UNC13B: variants seen among roughly 807,000 people sequenced by gnomAD.
UNC13B encodes the protein protein unc-13 homolog B.
A neutral mutation model predicts 211.0 loss-of-function variants in UNC13B; 144 were observed. The observed-to-expected ratio is 0.68, with a 90% CI of 0.60 to 0.78. UNC13B has a LOEUF of 0.78. UNC13B is among the 30% of genes least tolerant of loss of function. The probability of loss-of-function intolerance (pLI) is 0.00; values close to 1 mark genes in which losing one functional copy is unlikely to be tolerated. For missense variants in UNC13B, 1,777 were observed against 2,002.0 expected (o/e 0.89, Z 2.14); for synonymous variants, 709 against 725.8 (o/e 0.98, Z 0.37).
At chr9:35,294,056 CAT>C (rs139872103) in intron 7 of UNC13B, among the ~76,000 whole-genome samples, 7,243 of 152,212 alleles carry the variant, frequency 0.048, 390 homozygotes, top group East Asian at 0.29. Flanking sequence ...ATAAAACCCA[CAT>C]GTTTGTGCTC....
At chr9:35,371,829 T>C (rs1834145603) in intron 13 of UNC13B, 1 of 152,690 alleles carries the variant, frequency 6.5e-6, no homozygotes, top group African/African-American at 2.4e-5. Context: ...AAATGCTCCC[T>C]GCTTTGGACT....
intron 7 of UNC13B, among the ~76,000 whole-genome samples, chr9:35,287,137 T>C (rs925376885): frequency 7.0e-6 from 1 of 142,508 alleles, no homozygotes; most frequent in African/African-American, 2.4e-5. Flanking sequence ...TTTCTTTCTT[T>C]CTTTTTTTTT....
chr9:35,197,988 G>T (rs1587351299), intron 1 of UNC13B, among the ~76,000 whole-genome samples: 1 of 150,288 alleles, frequency 6.7e-6, no homozygotes, highest in East Asian at 2.0e-4. Context: ...GATATATAAG[G>T]ATTTAAAAAC....
chr9:35,399,463 G>T lies in UNC13B; in HGVS notation c.12255+15G>T. ...CCAAACTCAAGGTACTCTGGGTGTGGGGTCCTCCTGGCAGGTGTGGTCCTT... is the reference window on the plus strand; with the variant it reads ...CCAAACTCAAGGTACTCTGGGTGTGTGGTCCTCCTGGCAGGTGTGGTCCTT... On this transcript the variant is annotated intron_variant, in intron 35 of 39. Coordinates refer to ENST00000635942, the MANE Select transcript of UNC13B (RefSeq NM_001371189.2). 1 of 1,614,122 alleles carries T rather than the reference G, an allele frequency of 6.2e-7. No individual in the cohort carries two copies. The highest frequency in any genetic ancestry group is 8.5e-7 in the Non-Finnish European group (1 of 1,180,026).
chr9:35,209,224 C>T (rs752550284), intron 1 of UNC13B, among the ~76,000 whole-genome samples: 6 of 152,044 alleles, frequency 3.9e-5, no homozygotes, highest in East Asian at 3.9e-4. Context: ...ACCACCGCAC[C>T]GGCTAATTTT....
intron 5 of UNC13B, among the ~76,000 whole-genome samples, chr9:35,242,604 G>C (rs1204721554): frequency 6.6e-6 from 1 of 152,062 alleles, no homozygotes; most frequent in Non-Finnish European, 1.5e-5. Context: ...CCATGTTATG[G>C]CATGTGGCAG....
chr9:35,273,711 A>C (rs1303493507), intron 7 of UNC13B, among the ~76,000 whole-genome samples: 1 of 152,182 alleles, frequency 6.6e-6, no homozygotes, highest in East Asian at 1.9e-4. Context: ...AAAATCAACC[A>C]CAAAAAAAAC....
intron 11 of UNC13B, among the ~76,000 whole-genome samples, chr9:35,317,401 C>T (rs556782546): frequency 6.6e-6 from 1 of 152,018 alleles, no homozygotes; most frequent in African/African-American, 2.4e-5. Context: ...TGGAATTTCA[C>T]TGTGTTGCCC....
chr9:35,225,897 T>C (rs1371308605), intron 1 of UNC13B, among the ~76,000 whole-genome samples: 1 of 151,746 alleles, frequency 6.6e-6, no homozygotes, highest in Non-Finnish European at 1.5e-5. Context: ...GTGTGAGGAG[T>C]TGACAGTGGT....
intron 1 of UNC13B, among the ~76,000 whole-genome samples, chr9:35,172,662 T>G (rs1397892939): frequency 6.6e-6 from 1 of 152,230 alleles, no homozygotes; most frequent in Non-Finnish European, 1.5e-5. Flanking sequence ...TTTGTTATCT[T>G]TAGTAAAAAT....
intron 11 of UNC13B, among the ~76,000 whole-genome samples, chr9:35,330,813 T>C (rs532516190): frequency 6.6e-6 from 1 of 152,268 alleles, no homozygotes; most frequent in South Asian, 2.1e-4. Flanking sequence ...GACTGAGATT[T>C]GGGGCAGTGG....
intron 7 of UNC13B, among the ~76,000 whole-genome samples, chr9:35,284,702 A>G (rs1273526669): frequency 6.6e-6 from 1 of 152,222 alleles, no homozygotes; most frequent in Non-Finnish European, 1.5e-5. Flanking sequence ...TACAGTACTT[A>G]CCGAATCAAC....
At chr9:35,163,039 C>T (rs1181116427) in intron 1 of UNC13B, among the ~76,000 whole-genome samples, 1 of 152,154 alleles carries the variant, frequency 6.6e-6, no homozygotes, top group African/African-American at 2.4e-5. Flanking sequence ...TGGGTAGAGA[C>T]TGTTTCTTAT....
chr9:35,167,754 A>ATTTTTTTTTT (rs765603183), intron 1 of UNC13B, among the ~76,000 whole-genome samples: 35 of 115,668 alleles, frequency 3.0e-4, no homozygotes, highest in African/African-American at 6.9e-4. Context: ...TGCCTGGCTA[A>ATTTTTTTTTT]TTTTTTTTTT....
Position 35,397,390 on chromosome 9 carries a change from C to G in UNC13B, c.11676+80C>G, listed in dbSNP as rs1362539839. ...CATCACAGGCCTGAGCTCAGCACCT[C>G]TCCACTGTGGCCTCCTGGTAAAGCT... On this transcript the variant is annotated intron_variant, in intron 29 of 39. Transcript: ENST00000635942. 5.1e-6 allele frequency: 8 copies of G among 1,576,202 alleles called. No individual in the cohort carries two copies. The African/African-American group carries it at 1.1e-4, about 21-fold the overall frequency.
chr9:35,289,880 G>A (rs1467774226), intron 7 of UNC13B, among the ~76,000 whole-genome samples: 3 of 152,084 alleles, frequency 2.0e-5, no homozygotes, highest in Non-Finnish European at 4.4e-5. Context: ...GGGAGCCTGA[G>A]GCATGAGAAT....
chr9:35,291,438 G>A (rs116448639), intron 7 of UNC13B, among the ~76,000 whole-genome samples: 12 of 152,210 alleles, frequency 7.9e-5, no homozygotes, highest in Admixed American at 1.3e-4. Context: ...GCTAAGGAGT[G>A]CAGTGACCAG....
chr9:35,259,100 G>C lies in UNC13B; in HGVS notation c.526+50G>C, dbSNP rs370483876. The C allele has an allele frequency of 6.1e-4, 970 of 1,588,520 alleles. 10 individuals are homozygous for C. In the South Asian group the frequency reaches 7.6e-3, roughly 12 times the overall value. On this transcript the variant is annotated intron_variant, in intron 7 of 39. Transcript: ENST00000635942. ...TCTCTTTTAATTGTAGCTTTCTGTC[G>C]CTTCTCTGAACATGGGTTATTCTGA...
At chr9:35,334,992 C>T (rs1305853891) in intron 11 of UNC13B, among the ~76,000 whole-genome samples, 3 of 152,228 alleles carry the variant, frequency 2.0e-5, no homozygotes, top group South Asian at 4.2e-4. Context: ...GAGCCGAGAT[C>T]GCGCCACTGC....
Sources: gnomAD v4.1 joint callset for allele counts (sites outside exome capture counted in the v4.1 genomes callset) on GRCh38, gnomAD v4.1.1 for gene constraint, MANE v1.5 for transcripts, NCBI Gene and HGNC (gene_info 2026-07-23, HGNC 2026-07-21) for gene names.